Variants in LRTM3 observed in about 807,000 individuals in gnomAD.
LRTM3 encodes leucine rich repeat transmembrane protein 3, also known as leucine-rich repeat transmembrane protein 3.
At chr13:102,731,806 T>C in the LRTM3 span, 1 of 1,550,326 alleles carries the variant, frequency 6.5e-7, no homozygotes, top group South Asian at 1.2e-5. Context: ...CCCATACTGG[T>C]TCACTCTGAT....
chr13:102,740,595 G>T, the LRTM3 span: 1 of 1,548,774 alleles, frequency 6.5e-7, no homozygotes. Context: ...ACATCCATTT[G>T]TTTCACTGCT....
chr13:102,741,810 G>C, the LRTM3 span: 1 of 1,550,368 alleles, frequency 6.5e-7, no homozygotes. Flanking sequence ...TGTGCAATGA[G>C]GAATTCAAGT....
the LRTM3 span, among the ~76,000 whole-genome samples, chr13:102,751,680 A>T: frequency 4.5e-4 from 68 of 152,178 alleles, no homozygotes; most frequent in Non-Finnish European, 7.8e-4. Flanking sequence ...CTCTTACTTT[A>T]CTGTAAGTGT....
chr13:102,743,287 C>T, the LRTM3 span: 1 of 1,550,468 alleles, frequency 6.4e-7, no homozygotes, highest in South Asian at 1.2e-5. Context: ...TATGACTTAA[C>T]CCTGATATTC....
At chr13:102,747,374 C>T in the LRTM3 span, 6 of 1,550,074 alleles carry the variant, frequency 3.9e-6, no homozygotes, top group African/African-American at 6.9e-5. Context: ...GTTTGAAGTA[C>T]CACATATATT....
the LRTM3 span, among the ~76,000 whole-genome samples, chr13:102,751,342 TAC>T: frequency 0.25 from 34,995 of 141,648 alleles, 4,169 homozygotes; most frequent in East Asian, 0.35. Flanking sequence ...TCTCTCTTTA[TAC>T]ACACACACAC....
the LRTM3 span, chr13:102,735,568 G>A: frequency 6.4e-7 from 1 of 1,551,016 alleles, no homozygotes. Flanking sequence ...TTTTGGTATT[G>A]AGTATATCTG....
chr13:102,748,793 G>A, the LRTM3 span: 3 of 1,550,524 alleles, frequency 1.9e-6, no homozygotes, highest in Non-Finnish European at 2.6e-6. Context: ...TAGTTGAACA[G>A]TGTTGACCAT....
chr13:102,749,838 C>T, the LRTM3 span: 1 of 1,551,304 alleles, frequency 6.4e-7, no homozygotes, highest in Non-Finnish European at 8.7e-7. Context: ...ACCATTCCAA[C>T]AGAAGGTTGA....
At chr13:102,731,585 A>G in the LRTM3 span, 3 of 1,551,228 alleles carry the variant, frequency 1.9e-6, no homozygotes, top group Admixed American at 2.0e-5. Flanking sequence ...ATAGGCTTGT[A>G]TGTTATCTAG....
At chr13:102,736,561 C>G in the LRTM3 span, 1 of 1,551,100 alleles carries the variant, frequency 6.4e-7, no homozygotes, top group African/African-American at 1.4e-5. Context: ...GTTCACCTTC[C>G]TCTTCTTTTA....
the LRTM3 span, chr13:102,741,574 T>C: frequency 6.5e-7 from 1 of 1,550,354 alleles, no homozygotes; most frequent in Non-Finnish European, 8.7e-7. Flanking sequence ...AATGAAGAGG[T>C]TCCATAATGG....
At chr13:102,750,870 G>A in the LRTM3 span, among the ~76,000 whole-genome samples, 9 of 152,166 alleles carry the variant, frequency 5.9e-5, no homozygotes, top group East Asian at 9.6e-4. Flanking sequence ...AGGGAAGCAC[G>A]TCTCAGTACA....
the LRTM3 span, chr13:102,739,941 T>C: frequency 1.4e-5 from 22 of 1,550,360 alleles, no homozygotes; most frequent in Non-Finnish European, 1.7e-6. Context: ...GTATTGAGTA[T>C]ATGTGAAAAT....
At chr13:102,734,973 C>G in the LRTM3 span, 3 of 1,551,170 alleles carry the variant, frequency 1.9e-6, no homozygotes, top group Non-Finnish European at 2.6e-6. Context: ...CCCTCAGTAT[C>G]TGGTGATACC....
At chr13:102,744,726 G>T in the LRTM3 span, 2 of 1,550,482 alleles carry the variant, frequency 1.3e-6, no homozygotes, top group East Asian at 4.9e-5. Context: ...AACATTTTTT[G>T]AATATTTTTA....
At chr13:102,744,897 C>G in the LRTM3 span, 1 of 1,550,690 alleles carries the variant, frequency 6.4e-7, no homozygotes, top group Non-Finnish European at 8.7e-7. Flanking sequence ...TCCCCTTTAC[C>G]TGAATTGTGC....
At chr13:102,740,853 A>C in the LRTM3 span, 8 of 1,549,948 alleles carry the variant, frequency 5.2e-6, no homozygotes, top group Non-Finnish European at 6.1e-6. Context: ...ACCTTTGGTG[A>C]CTTAATCTGA....
the LRTM3 span, chr13:102,743,339 T>G: frequency 2.6e-6 from 4 of 1,550,500 alleles, no homozygotes; most frequent in Non-Finnish European, 3.5e-6. Context: ...CCTTTTAATG[T>G]CAGAGGAATC....
Sources: allele counts gnomAD v4.1 joint callset (sites outside exome capture counted in the v4.1 genomes callset), GRCh38; gene constraint gnomAD v4.1.1; transcripts MANE v1.5; gene names NCBI Gene and HGNC (gene_info 2026-07-23, HGNC 2026-07-21).